OR56A3: variants seen among roughly 807,000 people sequenced by gnomAD.
OR56A3 encodes the protein olfactory receptor 56A3.
Under a neutral mutation model 17.5 loss-of-function variants are expected in OR56A3, and 23 were observed. That is an observed-to-expected ratio of 1.32 (90% CI 0.95 to 1.87). The LOEUF (loss-of-function observed/expected upper bound fraction) is 1.87. Among genes scored for constraint, OR56A3 ranks in the 40% most tolerant of loss-of-function variants. The probability of loss-of-function intolerance (pLI) is 0.00; values close to 1 mark genes in which losing one functional copy is unlikely to be tolerated. For missense variants in OR56A3, 366 were observed against 380.1 expected (o/e 0.96, Z 0.31); for synonymous variants, 175 against 150.6 (o/e 1.16, Z -1.19).
the OR56A3 span, among the ~76,000 whole-genome samples, chr11:5,969,835 T>A: frequency 2.0e-5 from 3 of 152,178 alleles, no homozygotes; most frequent in African/African-American, 4.8e-5. Context: ...AGTAGTCCAA[T>A]TGAGAAGTGA....
At chr11:6,014,689 G>A in the OR56A3 span, among the ~76,000 whole-genome samples, 2 of 152,152 alleles carry the variant, frequency 1.3e-5, no homozygotes, top group African/African-American at 2.4e-5. Context: ...CAGAAGACAA[G>A]AAGATGAGGT....
chr11:6,007,593 A>G, the OR56A3 span, among the ~76,000 whole-genome samples: 1 of 152,120 alleles, frequency 6.6e-6, no homozygotes, highest in Non-Finnish European at 1.5e-5. Flanking sequence ...AAAAATAAGA[A>G]AGGAAAGATA....
chr11:5,977,790 C>T, the OR56A3 span, among the ~76,000 whole-genome samples: 1 of 152,248 alleles, frequency 6.6e-6, no homozygotes, highest in East Asian at 1.9e-4. Flanking sequence ...TTTGCCAGGG[C>T]CTATATCCAG....
At chr11:5,942,440 A>G (rs1289830116) in intron 1 of OR56A3, 66 bp downstream of exon 1, 1 of 152,202 alleles carries the variant, frequency 6.6e-6, no homozygotes, top group Non-Finnish European at 1.5e-5. Context: ...TGGTGGTAGC[A>G]GAAATGCAGG....
At chr11:5,986,040 C>A in the OR56A3 span, 10 of 1,613,598 alleles carry the variant, frequency 6.2e-6, no homozygotes, top group Non-Finnish European at 8.5e-6. Flanking sequence ...TGAGGAGATA[C>A]CGTGTGGCCA....
chr11:5,961,066 C>T, the OR56A3 span, among the ~76,000 whole-genome samples: 2,041 of 151,800 alleles, frequency 0.013, 53 homozygotes, highest in African/African-American at 0.047. Flanking sequence ...CCCCTCCACC[C>T]GGCAGCCGCC....
the OR56A3 span, among the ~76,000 whole-genome samples, chr11:5,979,010 C>A: frequency 6.6e-6 from 1 of 151,752 alleles, no homozygotes; most frequent in Non-Finnish European, 1.5e-5. Flanking sequence ...TGAGATGAAC[C>A]CCATTTATTG....
the OR56A3 span, chr11:5,994,503 T>G: frequency 1.2e-6 from 1 of 808,258 alleles, no homozygotes; most frequent in Non-Finnish European, 2.2e-6. Flanking sequence ...TGTAGGCCTT[T>G]TACTTCCTTT....
At chr11:5,965,056 T>G in the OR56A3 span, among the ~76,000 whole-genome samples, 2 of 152,226 alleles carry the variant, frequency 1.3e-5, no homozygotes, top group African/African-American at 4.8e-5. Context: ...ATTATCCATT[T>G]CCTATGGGAG....
chr11:5,994,499 C>A, the OR56A3 span: 9 of 777,190 alleles, frequency 1.2e-5, no homozygotes, highest in Non-Finnish European at 2.3e-6. Flanking sequence ...AGCTTGTAGG[C>A]CTTTTACTTC....
At chr11:5,963,903 T>C in the OR56A3 span, among the ~76,000 whole-genome samples, 6 of 152,160 alleles carry the variant, frequency 3.9e-5, no homozygotes, top group South Asian at 1.2e-3. Context: ...TTAGTTCTTT[T>C]TTTCTCCTCT....
At chr11:5,976,312 G>A in the OR56A3 span, among the ~76,000 whole-genome samples, 1 of 152,118 alleles carries the variant, frequency 6.6e-6, no homozygotes, top group Admixed American at 6.6e-5. Context: ...AAGGGAAATA[G>A]GAAGGGGTAA....
downstream of OR56A3, among the ~76,000 whole-genome samples, chr11:5,952,238 G>C (rs959343035): frequency 6.6e-6 from 1 of 152,194 alleles, no homozygotes; most frequent in Non-Finnish European, 1.5e-5. Context: ...GTGCAAGGCG[G>C]TTGCCACTTG....
the OR56A3 span, chr11:5,985,976 G>C: frequency 2.5e-6 from 4 of 1,611,404 alleles, no homozygotes; most frequent in Non-Finnish European, 3.4e-6. Flanking sequence ...AGCACTCGCT[G>C]GCGGATCTGC....
Position 5,947,590 on chromosome 11 carries a change from A to C in OR56A3, c.244A>C (p.Ile82Leu). 1 of 1,614,188 alleles carries C rather than the reference A, an allele frequency of 6.2e-7. No individual in the cohort carries two copies. Among genetic ancestry groups the C allele is most frequent in the Non-Finnish European group, 8.5e-7 (1 of 1,180,032 alleles). The part of the protein sequence containing the change: ...LLDIVLCLTV[I>L]PKVLTIFWFD... ...GGACATCGTGCTCTGCCTCACTGTC[A>C]TCCCCAAGGTCCTGACCATCTTCTG... Residue 82 changes from isoleucine (I) to leucine (L), a missense_variant, in exon 3 of 3, where the codon ATC becomes CTC. Physicochemically the swap from Ile to Leu is conservative, Grantham distance 5. Coordinates refer to ENST00000641160, the MANE Select transcript of OR56A3 (RefSeq NM_001003443.3).
At chr11:5,996,207 T>C in the OR56A3 span, among the ~76,000 whole-genome samples, 1 of 152,218 alleles carries the variant, frequency 6.6e-6, no homozygotes, top group Non-Finnish European at 1.5e-5. Flanking sequence ...ATGTAATATA[T>C]ACACATATAT....
chr11:5,967,401 C>T, the OR56A3 span, among the ~76,000 whole-genome samples: 2 of 152,238 alleles, frequency 1.3e-5, no homozygotes, highest in Non-Finnish European at 2.9e-5. Context: ...CAGGATCCAA[C>T]GAGTAGATAT....
chr11:5,999,325 A>G, the OR56A3 span: 1 of 152,240 alleles, frequency 6.6e-6, no homozygotes, highest in Non-Finnish European at 1.5e-5. Context: ...TTGGGGAAAT[A>G]ATAATAATGA....
At chr11:5,992,153 G>C in the OR56A3 span, among the ~76,000 whole-genome samples, 8 of 152,206 alleles carry the variant, frequency 5.3e-5, no homozygotes, top group Non-Finnish European at 8.8e-5. Context: ...TTGGACCCCA[G>C]TAAATTATTT....
Sources: allele counts gnomAD v4.1 joint callset (sites outside exome capture counted in the v4.1 genomes callset), GRCh38; gene constraint gnomAD v4.1.1; transcripts MANE v1.5; gene names NCBI Gene and HGNC (gene_info 2026-07-23, HGNC 2026-07-21).